The following LPIN1 variants were observed in gnomAD, a reference collection of about 807,000 sequenced individuals.
LPIN1 encodes the protein phosphatidate phosphatase LPIN1.
Under a neutral mutation model 107.5 loss-of-function variants are expected in LPIN1, and 71 were observed. That is an observed-to-expected ratio of 0.66 (90% confidence interval 0.55 to 0.80). LPIN1 has a LOEUF of 0.80. LPIN1 is among the 30% of genes least tolerant of loss of function. LPIN1 has a pLI of 0.00. For synonymous variants in LPIN1, 445 were observed against 452.6 expected, an observed-to-expected ratio of 0.98 and a Z score of 0.21; for missense variants, 1,043 against 1,160.6, an observed-to-expected ratio of 0.90 and a Z score of 1.47.
At chr2:11,683,523 T>G (rs534033964) in intron 1 of LPIN1, among the ~76,000 whole-genome samples, 3 of 152,120 alleles carry the variant, frequency 2.0e-5, no homozygotes, top group Admixed American at 2.0e-4. Context: ...ACGTGAGGGA[T>G]GGGGATGAGG....
intron 18 of LPIN1, chr2:11,818,768 G>GT (rs1553301016): frequency 6.6e-6 from 1 of 151,890 alleles, no homozygotes; most frequent in Non-Finnish European, 1.5e-5. Context: ...TTCACTGTAG[G>GT]TTTTTTTAGT....
At chr2:11,704,500 G>A (rs1315078134) in intron 1 of LPIN1, among the ~76,000 whole-genome samples, 1 of 152,180 alleles carries the variant, frequency 6.6e-6, no homozygotes, top group Non-Finnish European at 1.5e-5. Context: ...CTAATGGGCA[G>A]AGATTTCTAT....
chr2:11,696,046 C>CTTTTTT (rs531347349), intron 1 of LPIN1, among the ~76,000 whole-genome samples: 5 of 126,088 alleles, frequency 4.0e-5, no homozygotes, highest in African/African-American at 3.3e-5. Context: ...GCTGACTCTC[C>CTTTTTT]TTTTTTTTTT....
chr2:11,698,638 C>T (rs1178988738), intron 1 of LPIN1, among the ~76,000 whole-genome samples: 1 of 152,224 alleles, frequency 6.6e-6, no homozygotes, highest in East Asian at 1.9e-4. Context: ...ATGAAATACA[C>T]AGTGTTTTTA....
chr2:11,765,398 C>A lies in LPIN1; in HGVS notation c.-9-135C>A. 1 of 807,520 alleles carries A rather than the reference C, an allele frequency of 1.2e-6. No individual in the cohort carries two copies. Among genetic ancestry groups the A allele is most frequent in the Non-Finnish European group, 2.0e-6 (1 of 508,330 alleles). 50.0% of individuals were successfully genotyped at this position (807,520 alleles called of 1,614,324 possible). On this transcript the variant is annotated intron_variant, in intron 1 of 20. Transcript: ENST00000674199. The surrounding 1 kb of genome is among the most constrained non-coding windows in gnomAD (Gnocchi z 4.4). Reference sequence around the variant, plus strand: ...TGATGGGCTATGGGGGTGGATAGAACACATTCCGGAAATGAGAGGAGCTGA... The same window carrying A: ...TGATGGGCTATGGGGGTGGATAGAAAACATTCCGGAAATGAGAGGAGCTGA...
intron 2 of LPIN1, 88 bp from the exon 3 acceptor site, chr2:11,767,675 C>T (rs1483368128): frequency 4.9e-6 from 4 of 812,970 alleles, no homozygotes; most frequent in Non-Finnish European, 8.8e-6. Context: ...GCGATGATAG[C>T]GTATCTGTGG....
At chr2:11,719,586 A>G (rs991315139), upstream of LPIN1, among the ~76,000 whole-genome samples, 2 of 152,226 alleles carry the variant, frequency 1.3e-5, no homozygotes, top group African/African-American at 4.8e-5. Flanking sequence ...TGAGTTTTAA[A>G]TTCTGAAGTT....
chr2:11,808,583 C>T (rs1408800818), intron 17 of LPIN1, among the ~76,000 whole-genome samples: 1 of 152,076 alleles, frequency 6.6e-6, no homozygotes, highest in Admixed American at 6.6e-5. Context: ...AATGAAAAAG[C>T]CAATCTTCAG....
chr2:11,815,041 G>C (rs929187909), intron 17 of LPIN1, 47 bp from the exon 18 acceptor site: 4 of 1,561,730 alleles, frequency 2.6e-6, no homozygotes, highest in South Asian at 2.2e-5. Flanking sequence ...ATGCAGAAAG[G>C]TTCCATTTTC....
intron 11 of LPIN1, among the ~76,000 whole-genome samples, chr2:11,787,916 G>A (rs796133708): frequency 1.3e-5 from 2 of 151,406 alleles, no homozygotes; most frequent in African/African-American, 4.9e-5. Context: ...AGTCTGGCCT[G>A]GGTGAAAGAG....
chr2:11,825,624 C>T lies in LPIN1; in HGVS notation c.*833C>T, dbSNP rs954310232. On this transcript the variant is annotated 3_prime_UTR_variant, in exon 21 of 21. Coordinates refer to ENST00000674199, the MANE Select transcript of LPIN1 (RefSeq NM_001349206.2). This position sits in a 1 kb window ranked among gnomAD's most constrained non-coding sequence, Gnocchi z 4.1. Reference sequence around the variant, plus strand: ...AAGGCAGTATTTTGAATGAGTTTGACACTGCCGGCTTCCTTCCATCCAGCG... The same window carrying T: ...AAGGCAGTATTTTGAATGAGTTTGATACTGCCGGCTTCCTTCCATCCAGCG... 2.0e-5 allele frequency: 3 copies of T among 152,606 alleles called. No homozygotes were observed. Among genetic ancestry groups the T allele is most frequent in the African/African-American group, 7.2e-5 (3 of 41,432 alleles). The allele number at this position is 152,606 out of a possible 1,614,324, so 9.5% of individuals were successfully genotyped here. A position where few individuals can be genotyped will look rare whatever the true frequency, so the allele number is the denominator to read the frequency against.
intron 1 of LPIN1, among the ~76,000 whole-genome samples, chr2:11,696,110 T>C (rs937388086): frequency 6.7e-6 from 1 of 149,968 alleles, no homozygotes; most frequent in African/African-American, 2.5e-5. Flanking sequence ...AACATGCAGG[T>C]TTGTTACATA....
rs1662663201 is a variant in LPIN1 at position 11,697,792 on chromosome 2, A to G, written c.82-15964A>G. On this transcript the variant is annotated intron_variant, in intron 1 of 21. Coordinates refer to the LPIN1 transcript ENST00000449576. The surrounding 1 kb of genome is among the most constrained non-coding windows in gnomAD (Gnocchi z 4.6). ...TGCCCCGGGCCTTGTGTCCTTCCCC[A>G]TTTACAACCCCCTCCTCCCCATCTC... Among the ~76,000 whole-genome samples, 1 of 151,926 alleles carries G rather than the reference A, an allele frequency of 6.6e-6. No homozygotes were observed. Among genetic ancestry groups the G allele is most frequent in the Non-Finnish European group, 1.5e-5 (1 of 67,976 alleles).
At chr2:11,702,709 C>T (rs1662932637) in intron 1 of LPIN1, among the ~76,000 whole-genome samples, 3 of 152,166 alleles carry the variant, frequency 2.0e-5, no homozygotes, top group Non-Finnish European at 4.4e-5. Flanking sequence ...GGGTCAACCT[C>T]CCCTTGCTCT....
chr2:11,819,410 T>G, intron 18 of LPIN1, 74 bp from the exon 19 acceptor site: 3 of 975,216 alleles, frequency 3.1e-6, no homozygotes, highest in Non-Finnish European at 5.0e-6. Context: ...GCGGCAGCTT[T>G]GTCAGCTAAA....
At chr2:11,718,267 G>A (rs7602962) in intron 2 of LPIN1, among the ~76,000 whole-genome samples, 8,427 of 152,110 alleles carry the variant, frequency 0.055, 761 homozygotes, top group African/African-American at 0.19. Context: ...TTGCTCTGTC[G>A]CCCAGGCTGG....
In LPIN1 at chr2:11,765,708, G is replaced by A; in HGVS notation, c.167G>A (p.Gly56Glu). ...TTCCACGTCCGCTTTGGGAAGATGG[G>A]GGTCCTGCGCTCCCGAGAGAAAGTG... is the stretch of plus-strand genomic sequence containing the variant. The part of the protein sequence containing the change: ...SPFHVRFGKM[G>E]VLRSREKVVD... Residue 56 changes from glycine (G) to glutamate (E), a missense_variant, in exon 2 of 21, where the codon GGG becomes GAG. Physicochemically the swap from Gly to Glu is moderately conservative, Grantham distance 98 (BLOSUM62 -2). Transcript: ENST00000674199. This position sits in a 1 kb window ranked among gnomAD's most constrained non-coding sequence, Gnocchi z 4.4. 5 of 1,612,130 alleles carry A rather than the reference G, an allele frequency of 3.1e-6. No homozygotes were observed. The highest frequency in any genetic ancestry group is 4.2e-6 in the Non-Finnish European group (5 of 1,178,380).
At chr2:11,784,830 A>AG in intron 9 of LPIN1, 56 bp from the exon 10 acceptor site, 1 of 1,558,178 alleles carries the variant, frequency 6.4e-7, no homozygotes, top group Non-Finnish European at 8.9e-7. Context: ...ATGGTGATGT[A>AG]GGACCCTGAA....
chr2:11,771,089 G>A lies in LPIN1; in HGVS notation c.289-283G>A, dbSNP rs1339772619. On this transcript the variant is annotated intron_variant, in intron 3 of 20. Transcript: ENST00000674199. This position sits in a 1 kb window ranked among gnomAD's most constrained non-coding sequence, Gnocchi z 4.8. ...TATTACAGCCAAAGTTGAATTTTGGGGGCTTGAGATCACTGAGAATTACCT... is the reference window on the plus strand; with the variant it reads ...TATTACAGCCAAAGTTGAATTTTGGAGGCTTGAGATCACTGAGAATTACCT... 2.0e-5 allele frequency among the ~76,000 whole-genome samples: 3 copies of A among 152,218 alleles called. No individual in the cohort carries two copies. The highest frequency in any genetic ancestry group is 7.2e-5 in the African/African-American group (3 of 41,532).
Sources: gnomAD v4.1 joint callset for allele counts (sites outside exome capture counted in the v4.1 genomes callset) on GRCh38, gnomAD v4.1.1 for gene constraint, Gnocchi (gnomAD v3.1) non-coding constraint, MANE v1.5 for transcripts, NCBI Gene and HGNC (gene_info 2026-07-23, HGNC 2026-07-21) for gene names.